Variants in PRORP observed in about 807,000 individuals in gnomAD.
The protein encoded by PRORP is protein only RNase P catalytic subunit.
A neutral mutation model predicts 59.4 loss-of-function variants in PRORP; 51 were observed. That is an observed-to-expected ratio of 0.86 (90% confidence interval 0.69 to 1.08). The LOEUF is 1.08. PRORP is among the 50% of genes least tolerant of loss of function. PRORP has a pLI of 0.00. For missense variants in PRORP, 646 were observed against 690.3 expected (o/e 0.94, Z 0.72); for synonymous variants, 231 against 245.6 (o/e 0.94, Z 0.55).
chr14:35,263,317 G>GA (rs1405272476), intron 5 of PRORP, among the ~76,000 whole-genome samples: 1 of 152,076 alleles, frequency 6.6e-6, no homozygotes, highest in Non-Finnish European at 1.5e-5. Context: ...ATTTATTAAC[G>GA]AAAAAATATA....
chr14:35,173,658 A>G (rs562793927), intron 4 of PRORP, among the ~76,000 whole-genome samples: 1 of 151,972 alleles, frequency 6.6e-6, no homozygotes, highest in African/African-American at 2.4e-5. Context: ...TGCTGGCCAT[A>G]CTGTCTGGAG....
intron 4 of PRORP, among the ~76,000 whole-genome samples, chr14:35,162,630 T>C (rs2048089241): frequency 6.6e-6 from 1 of 151,876 alleles, no homozygotes; most frequent in East Asian, 1.9e-4. Flanking sequence ...TTTCTCTATG[T>C]ATACTTTAAA....
chr14:35,251,159 A>G (rs1329271864), intron 5 of PRORP, among the ~76,000 whole-genome samples: 1 of 152,174 alleles, frequency 6.6e-6, no homozygotes, highest in Non-Finnish European at 1.5e-5. Flanking sequence ...TTAGAATAAT[A>G]GTTTCCAGTT....
intron 2 of PRORP, among the ~76,000 whole-genome samples, chr14:35,126,373 CAGT>C (rs1161331355): frequency 2.0e-5 from 3 of 152,152 alleles, no homozygotes; most frequent in Admixed American, 1.3e-4. Context: ...AGTGAAATAA[CAGT>C]GGTGTGTAAG....
chr14:35,213,386 G>T (rs942431299), intron 5 of PRORP, among the ~76,000 whole-genome samples: 3 of 151,948 alleles, frequency 2.0e-5, no homozygotes, highest in Non-Finnish European at 4.4e-5. Context: ...AGCTGTGATT[G>T]CACAACTGCA....
rs1288068928 is a variant in PRORP at position 35,124,294 on chromosome 14, G to T, written c.986+63G>T. The stretch of plus-strand genomic sequence containing the variant: ...TAATTTTTTTTTTTTTTGAGACAGG[G>T]TCTTGCTCTGTTGCCCAGACTGGAG... On this transcript the variant is annotated intron_variant, in intron 2 of 7. Transcript: ENST00000534898. 11 of 1,111,936 alleles carry T rather than the reference G, an allele frequency of 9.9e-6. No homozygotes were observed. In the East Asian group the frequency reaches 2.6e-4, roughly 26 times the overall value. The allele number at this position is 1,111,936 out of a possible 1,614,324, so 68.9% of individuals were successfully genotyped here.
intron 4 of PRORP, among the ~76,000 whole-genome samples, chr14:35,168,426 A>G (rs989306285): frequency 1.3e-5 from 2 of 152,186 alleles, no homozygotes; most frequent in African/African-American, 2.4e-5. Context: ...CATTGATATA[A>G]TAAGATTATT....
rs2047278063 is a variant in PRORP at position 35,132,732 on chromosome 14, A to G, written c.1167+5121A>G. Among the ~76,000 whole-genome samples the G allele has an allele frequency of 4.7e-5, 7 of 148,672 alleles. No homozygotes were observed. The South Asian group carries it at 1.3e-3, about 28-fold the overall frequency. On this transcript the variant is annotated intron_variant, in intron 4 of 7. Transcript: ENST00000534898. ...AACCCGTGAAGCGGAGGTTGTAGTG[A>G]GCCAAGATTGCGCCACAGTACTCCA...
chr14:35,186,175 C>T (rs1157483161), intron 5 of PRORP, among the ~76,000 whole-genome samples: 7 of 123,992 alleles, frequency 5.6e-5, no homozygotes, highest in Admixed American at 2.7e-4. Flanking sequence ...TTTGTGGAGA[C>T]GGGGTTTTGT....
chr14:35,145,649 G>A (rs994007372), intron 4 of PRORP, among the ~76,000 whole-genome samples: 1 of 139,874 alleles, frequency 7.1e-6, no homozygotes, highest in Non-Finnish European at 1.6e-5. Context: ...GGACCTGGGA[G>A]GCGGAGGTTG....
At chr14:35,180,384 T>C (rs2048573506) in intron 4 of PRORP, among the ~76,000 whole-genome samples, 1 of 152,178 alleles carries the variant, frequency 6.6e-6, no homozygotes, top group Non-Finnish European at 1.5e-5. Flanking sequence ...GAAGTCTAGA[T>C]AGGCCAGCTG....
intron 6 of PRORP, among the ~76,000 whole-genome samples, chr14:35,267,217 T>C (rs2138662860): frequency 6.6e-6 from 1 of 152,282 alleles, no homozygotes; most frequent in South Asian, 2.1e-4. Flanking sequence ...GCACCTTCTA[T>C]GTTCTTGGAG....
chr14:35,240,074 C>CAAA (rs773150066), intron 5 of PRORP, among the ~76,000 whole-genome samples: 3 of 107,270 alleles, frequency 2.8e-5, no homozygotes, highest in African/African-American at 8.3e-5. Flanking sequence ...GACTCCATCT[C>CAAA]AAAAAAAAAA....
intron 5 of PRORP, among the ~76,000 whole-genome samples, chr14:35,241,929 C>G (rs879421957): frequency 6.6e-6 from 1 of 151,988 alleles, no homozygotes; most frequent in Non-Finnish European, 1.5e-5. Context: ...TTTCTCCTAC[C>G]CTGGTGATTC....
intron 5 of PRORP, among the ~76,000 whole-genome samples, chr14:35,209,227 T>G (rs2049375311): frequency 6.6e-6 from 1 of 152,152 alleles, no homozygotes. Flanking sequence ...ATAGTAACTT[T>G]TATACAAATC....
rs754952865 is a variant in PRORP at position 35,124,186 on chromosome 14, A to G, written c.941A>G (p.Tyr314Cys). Residue 314 changes from tyrosine (Y) to cysteine (C), a missense_variant, in exon 2 of 8, where the codon TAT becomes TGT. Coordinates refer to ENST00000534898, the MANE Select transcript of PRORP (RefSeq NM_014672.4). The stretch of plus-strand genomic sequence containing the variant: ...TCATATCTAAGAAATAATCAGCTGT[A>G]TCCAGGGGAGTCATTTGCACACAGT... ...ILSYLRNNQLYPGESFAHSIK... is the reference protein window; with the variant it reads ...ILSYLRNNQLCPGESFAHSIK... 1.9e-6 allele frequency: 3 copies of G among 1,591,904 alleles called. No homozygotes were observed. Among genetic ancestry groups the G allele is most frequent in the East Asian group, 4.5e-5 (2 of 44,730 alleles).
chr14:35,142,736 G>A (rs1350420294), intron 4 of PRORP, among the ~76,000 whole-genome samples: 4 of 144,426 alleles, frequency 2.8e-5, no homozygotes, highest in South Asian at 2.3e-4. Context: ...CTAGCTACTC[G>A]GGAGGCTGAG....
At chr14:35,213,952 A>G (rs948151013) in intron 5 of PRORP, among the ~76,000 whole-genome samples, 3 of 152,228 alleles carry the variant, frequency 2.0e-5, no homozygotes, top group Non-Finnish European at 4.4e-5. Flanking sequence ...ACCAATCTTC[A>G]ATTTGTAAAA....
At chr14:35,263,155 A>C (rs953671103) in intron 5 of PRORP, 1 of 718,594 alleles carries the variant, frequency 1.4e-6, no homozygotes. Context: ...ATAAAAATAC[A>C]TAGGACAGAA....
Sources: allele counts gnomAD v4.1 joint callset (sites outside exome capture counted in the v4.1 genomes callset), GRCh38; gene constraint gnomAD v4.1.1; transcripts MANE v1.5; gene names NCBI Gene and HGNC (gene_info 2026-07-23, HGNC 2026-07-21).